Variants in VAV2 observed in about 807,000 individuals in gnomAD.
VAV2 encodes the protein vav guanine nucleotide exchange factor 2.
In VAV2, 67 loss-of-function variants were observed where a neutral mutation model predicts 132.5. The observed-to-expected ratio is 0.51, with a 90% CI of 0.42 to 0.62. VAV2 has a LOEUF of 0.62. Among genes scored for constraint, VAV2 ranks in the 20% least tolerant of loss-of-function variants. VAV2 has a pLI of 0.00. For missense variants in VAV2, 938 were observed against 1,153.6 expected (o/e 0.81, Z 2.71); for synonymous variants, 492 against 443.5 (o/e 1.11, Z -1.37).
chr9:133,966,061 G>A (rs1842131039), intron 1 of VAV2, among the ~76,000 whole-genome samples: 1 of 152,150 alleles, frequency 6.6e-6, no homozygotes, highest in South Asian at 2.1e-4. Flanking sequence ...AATGGTGATA[G>A]GTAAACTGCA....
chr9:133,788,506 G>T lies in VAV2; in HGVS notation c.1275-20C>A. ...AAGTACCTGGGCCAGGCAGCGCAGC[G>T]GGGGATCAGCACCCCAGCACTGTGT... On this transcript the variant is annotated intron_variant, in intron 14 of 29. Transcript: ENST00000371850. This position sits in a 1 kb window ranked among gnomAD's most constrained non-coding sequence, Gnocchi z 5.3. 1 of 1,601,134 alleles carries T rather than the reference G, an allele frequency of 6.2e-7. No homozygotes were observed. The highest frequency in any genetic ancestry group is 8.5e-7 in the Non-Finnish European group (1 of 1,169,958).
chr9:133,822,919 C>T (rs2131737445), intron 4 of VAV2, among the ~76,000 whole-genome samples: 1 of 152,332 alleles, frequency 6.6e-6, no homozygotes, highest in East Asian at 1.9e-4. Flanking sequence ...TGACCTCCGG[C>T]AAGTCACCTA....
At chr9:133,862,021 A>T (rs1314576210) in intron 2 of VAV2, among the ~76,000 whole-genome samples, 1 of 152,260 alleles carries the variant, frequency 6.6e-6, no homozygotes, top group East Asian at 1.9e-4. Context: ...GGGATGCAGA[A>T]GGTCAAGAGC....
chr9:133,834,282 C>T lies in VAV2; in HGVS notation c.439G>A (p.Glu147Lys). Reference sequence around the variant, plus strand: ...ATCCCCCCGCCTTACTCGGCCAGCTCCTCCAGGCTGCGGTAGACGTCATCG... The same window carrying T: ...ATCCCCCCGCCTTACTCGGCCAGCTTCTCCAGGCTGCGGTAGACGTCATCG... ...NDDDVYRSLEELADEHDLGED... is the reference protein window; with the variant it reads ...NDDDVYRSLEKLADEHDLGED... Residue 147 changes from glutamate (E) to lysine (K), a missense_variant, in exon 4 of 30, where the codon GAG (glutamate) becomes AAG (lysine). Glu to Lys is a moderately conservative substitution (Grantham distance 56). Coordinates refer to ENST00000371850, the MANE Select transcript of VAV2 (RefSeq NM_001134398.2). The surrounding 1 kb of genome is among the most constrained non-coding windows in gnomAD (Gnocchi z 5.9). The T allele has an allele frequency of 8.7e-6, 14 of 1,611,706 alleles. No homozygotes were observed. Among genetic ancestry groups the T allele is most frequent in the Non-Finnish European group, 1.2e-5 (14 of 1,179,002 alleles).
At chr9:133,806,631 A>C (rs1200482957) in intron 8 of VAV2, among the ~76,000 whole-genome samples, 1 of 152,168 alleles carries the variant, frequency 6.6e-6, no homozygotes, top group East Asian at 1.9e-4. Context: ...GGCACAGACT[A>C]TAGGAAGCTC....
chr9:133,797,831 ACACACG>A (rs1364205240), intron 9 of VAV2, 22 bp from the exon 10 acceptor site: 1 of 1,608,348 alleles, frequency 6.2e-7, no homozygotes, highest in African/African-American at 1.3e-5. Flanking sequence ...ACACACACGC[ACACACG>A]CACACAGATT....
chr9:133,835,982 C>T (rs377451880), intron 3 of VAV2, among the ~76,000 whole-genome samples: 1 of 152,218 alleles, frequency 6.6e-6, no homozygotes, highest in African/African-American at 2.4e-5. Flanking sequence ...CCACCCATCA[C>T]CATACAGCAG....
chr9:133,859,301 C>A (rs1473448999), intron 3 of VAV2, among the ~76,000 whole-genome samples: 1 of 152,224 alleles, frequency 6.6e-6, no homozygotes, highest in Non-Finnish European at 1.5e-5. Flanking sequence ...GGCACCTCAG[C>A]CTCAGGAGGG....
At chr9:133,843,766 C>A (rs373069023) in intron 3 of VAV2, among the ~76,000 whole-genome samples, 4 of 152,132 alleles carry the variant, frequency 2.6e-5, no homozygotes, top group African/African-American at 9.7e-5. Flanking sequence ...AGGAGTCTCA[C>A]GGGGGTGGAG....
intron 2 of VAV2, among the ~76,000 whole-genome samples, chr9:133,914,759 GAGGAGGGGAGGAGGGGA>G (rs1840006555): frequency 1.6e-4 from 17 of 103,818 alleles, no homozygotes; most frequent in South Asian, 9.5e-4. Flanking sequence ...GGGGAGAGGA[GAGGAGGGGAGGAGGGGA>G]CGGGAGGGGA....
intron 2 of VAV2, among the ~76,000 whole-genome samples, chr9:133,889,194 C>G (rs1247525625): frequency 2.0e-5 from 3 of 152,170 alleles, no homozygotes; most frequent in African/African-American, 7.2e-5. Flanking sequence ...TGACCCCAGA[C>G]AAGCTGACCC....
intron 26 of VAV2, among the ~76,000 whole-genome samples, chr9:133,771,062 CT>C (rs148597917): frequency 0.014 from 1,697 of 117,662 alleles, 19 homozygotes; most frequent in African/African-American, 0.048. Flanking sequence ...TATGGATTTT[CT>C]TTTTTTTTTT....
chr9:133,854,529 G>A (rs1205456199), intron 3 of VAV2, among the ~76,000 whole-genome samples: 1 of 152,244 alleles, frequency 6.6e-6, no homozygotes, highest in Non-Finnish European at 1.5e-5. Flanking sequence ...TTGTGCTACT[G>A]ACCAGGGCAA....
intron 4 of VAV2, among the ~76,000 whole-genome samples, chr9:133,815,363 T>C (rs554099055): frequency 2.6e-5 from 4 of 152,032 alleles, no homozygotes; most frequent in African/African-American, 4.8e-5. Flanking sequence ...ACGCCCTTAG[T>C]GGTACCTTTC....
chr9:133,915,371 G>A (rs548726691), intron 2 of VAV2, among the ~76,000 whole-genome samples: 13 of 152,312 alleles, frequency 8.5e-5, no homozygotes, highest in African/African-American at 2.6e-4. Context: ...GATTCAGCAC[G>A]ATCTGGCGTT....
rs1842893599 is a variant in VAV2, at chr9:133,987,506, A to T, written c.204+4569T>A. 2.0e-5 allele frequency among the ~76,000 whole-genome samples: 3 copies of T among 152,362 alleles called. No individual in the cohort carries two copies. In the South Asian group the frequency reaches 6.2e-4, roughly 32 times the overall value. Reference sequence around the variant, plus strand: ...AAAGGCCCGGAGGGGGGGATGCCAAAACCATCGCCAGGCTGGCGTGTCCGG... The same window carrying T: ...AAAGGCCCGGAGGGGGGGATGCCAATACCATCGCCAGGCTGGCGTGTCCGG... On this transcript the variant is annotated intron_variant, in intron 1 of 29. Transcript: ENST00000371850.
intron 1 of VAV2, among the ~76,000 whole-genome samples, chr9:133,947,339 G>T (rs946761184): frequency 6.6e-6 from 1 of 152,134 alleles, no homozygotes; most frequent in Non-Finnish European, 1.5e-5. Context: ...AGGGGGCGGG[G>T]GTGGTCCCTT....
At chr9:133,773,394 G>T (rs975704550) in intron 25 of VAV2, among the ~76,000 whole-genome samples, 1 of 152,366 alleles carries the variant, frequency 6.6e-6, no homozygotes, top group Middle Eastern at 3.4e-3. Flanking sequence ...CTGGAGAGTG[G>T]TGAGTAAATG....
At chr9:133,789,419 T>C (rs1340985790) in intron 13 of VAV2, 76 bp from the exon 14 acceptor site, 4 of 1,441,086 alleles carry the variant, frequency 2.8e-6, no homozygotes, top group East Asian at 2.3e-5. Flanking sequence ...CAGGGCAGAC[T>C]GTCGTGCACC....
Sources: allele counts gnomAD v4.1 joint callset (sites outside exome capture counted in the v4.1 genomes callset), GRCh38; gene constraint gnomAD v4.1.1; non-coding constraint Gnocchi (gnomAD v3.1); transcripts MANE v1.5; gene names NCBI Gene and HGNC (gene_info 2026-07-23, HGNC 2026-07-21).